The following FMN1 variants were observed in gnomAD, a reference collection of about 807,000 sequenced individuals.
FMN1 encodes the protein formin 1, also known as formin-1.
FMN1 carries 110 observed loss-of-function variants against 132.4 expected under a neutral mutation model. The observed-to-expected ratio is 0.83, with a 90% confidence interval of 0.71 to 0.97. FMN1 has a LOEUF of 0.97. FMN1 is among the 50% of genes least tolerant of loss of function. The pLI is 0.00. For missense variants in FMN1, 1,792 were observed against 1,705.3 expected, an observed-to-expected ratio of 1.05 and a Z score of -0.90; for synonymous variants, 722 against 651.7, an observed-to-expected ratio of 1.11 and a Z score of -1.64.
In FMN1 at chr15:32,831,021, T is replaced by C. The variant is rs139314799; in HGVS notation, c.3928+25994A>G. 2.7e-3 allele frequency among the ~76,000 whole-genome samples: 409 copies of C among 152,260 alleles called. 2 individuals are homozygous for C. Among genetic ancestry groups the C allele is most frequent in the African/African-American group, 9.5e-3 (395 of 41,548 alleles). ...TCTAGTCCAAGGCACCAAACCCCCATGCTGGATTCTTAACCTGTCCTGATT... is the reference window on the plus strand; with the variant it reads ...TCTAGTCCAAGGCACCAAACCCCCACGCTGGATTCTTAACCTGTCCTGATT... On this transcript the variant is annotated intron_variant, in intron 17 of 20. Transcript: ENST00000616417.
intron 6 of FMN1, among the ~76,000 whole-genome samples, chr15:33,030,998 C>A (rs1043595507): frequency 1.7e-4 from 25 of 150,360 alleles, no homozygotes; most frequent in Admixed American, 8.6e-4. Context: ...CCCCGACAGG[C>A]CCTGGTGTGC....
chr15:32,923,004 A>G (rs1315656872), intron 10 of FMN1, among the ~76,000 whole-genome samples: 1 of 152,212 alleles, frequency 6.6e-6, no homozygotes, highest in Non-Finnish European at 1.5e-5. Flanking sequence ...TGTTGTTGTA[A>G]GAAGGAATAC....
Position 32,765,967 on chromosome 15 carries a change from C to T in FMN1, c.*8343G>A, listed in dbSNP as rs60961730. The T allele has an allele frequency of 2.0e-5, 3 of 152,134 alleles. No individual in the cohort carries two copies. Among genetic ancestry groups the T allele is most frequent in the Non-Finnish European group, 4.4e-5 (3 of 67,996 alleles). 9.4% of individuals were successfully genotyped at this position (152,134 alleles called of 1,614,324 possible). ...TAAATATGCAAACAAATTAGAAATA[C>T]GTATTTTTAAAAATGCAAAGGGAAA... On this transcript the variant is annotated 3_prime_UTR_variant, in exon 21 of 21. Transcript: ENST00000616417.
chr15:32,800,584 T>A (rs975574894), intron 18 of FMN1, among the ~76,000 whole-genome samples: 3 of 152,208 alleles, frequency 2.0e-5, no homozygotes, highest in African/African-American at 7.2e-5. Context: ...GAACAGGCCA[T>A]TCATTTCCTA....
chr15:32,846,505 A>G (rs1410039282), intron 17 of FMN1, among the ~76,000 whole-genome samples: 1 of 152,248 alleles, frequency 6.6e-6, no homozygotes, highest in Non-Finnish European at 1.5e-5. Flanking sequence ...AATCAAAACC[A>G]CAATGAGATA....
Position 33,011,027 on chromosome 15 carries a change from G to A in FMN1, c.2162-2952C>T, listed in dbSNP as rs967754277. Among the ~76,000 whole-genome samples, 5 of 151,720 alleles carry A rather than the reference G, an allele frequency of 3.3e-5. No individual in the cohort carries two copies. In the East Asian group the frequency reaches 5.8e-4, roughly 18 times the overall value. On this transcript the variant is annotated intron_variant, in intron 6 of 20. Coordinates refer to ENST00000616417, the MANE Select transcript of FMN1 (RefSeq NM_001277313.2). ...TCAAAATTTGAGTTTTGTTTTGTTT[G>A]AATATAAGGAGCCCATTCTAAAATG...
chr15:33,004,601 C>T (rs560223679), intron 7 of FMN1, among the ~76,000 whole-genome samples: 26 of 152,190 alleles, frequency 1.7e-4, no homozygotes, highest in East Asian at 5.8e-4. Context: ...GACTGTAAAC[C>T]AGTTCAACCA....
At chr15:33,087,467 A>T (rs530227521) in intron 5 of FMN1, among the ~76,000 whole-genome samples, 6 of 152,028 alleles carry the variant, frequency 3.9e-5, no homozygotes, top group African/African-American at 1.4e-4. Context: ...GACCGCTTGA[A>T]CCCGGGAGGC....
At chr15:32,774,744 G>GA (rs551721626) in intron 20 of FMN1, among the ~76,000 whole-genome samples, 150 of 150,246 alleles carry the variant, frequency 1.0e-3, no homozygotes, top group African/African-American at 3.3e-3. Context: ...AAGAAGATAT[G>GA]AAAAAAAAAA....
At chr15:33,070,616 T>C (rs964304005) in intron 5 of FMN1, among the ~76,000 whole-genome samples, 4 of 152,046 alleles carry the variant, frequency 2.6e-5, no homozygotes, top group African/African-American at 9.7e-5. Context: ...GTGGGTCAAG[T>C]CTTTGGTCCC....
At chr15:33,151,306 G>A (rs1964429046) in intron 4 of FMN1, 1 of 1,536,344 alleles carries the variant, frequency 6.5e-7, no homozygotes, top group Non-Finnish European at 8.7e-7. Context: ...CTTTTATAAG[G>A]TTAGAAGCAC....
chr15:32,812,592 A>G (rs990801193), intron 17 of FMN1, among the ~76,000 whole-genome samples: 1 of 152,246 alleles, frequency 6.6e-6, no homozygotes, highest in Non-Finnish European at 1.5e-5. Flanking sequence ...ACCGTCACAT[A>G]AAGTCAAGTG....
At chr15:33,147,966 A>T (rs1294841771) in intron 4 of FMN1, among the ~76,000 whole-genome samples, 2 of 152,162 alleles carry the variant, frequency 1.3e-5, no homozygotes, top group Non-Finnish European at 2.9e-5. Context: ...GAATCCATGG[A>T]CTAAAAATCA....
intron 7 of FMN1, among the ~76,000 whole-genome samples, chr15:33,005,696 T>C (rs1057405671): frequency 1.3e-5 from 2 of 152,216 alleles, no homozygotes; most frequent in Non-Finnish European, 2.9e-5. Flanking sequence ...TGTGGAAAGC[T>C]AGGGTTAACT....
chr15:33,130,009 G>A (rs924296536), intron 4 of FMN1, among the ~76,000 whole-genome samples: 2 of 151,988 alleles, frequency 1.3e-5, no homozygotes, highest in Non-Finnish European at 2.9e-5. Context: ...TGGCCAGGAT[G>A]GTCTCATCCA....
intron 17 of FMN1, among the ~76,000 whole-genome samples, chr15:32,816,411 G>A (rs1270624775): frequency 1.3e-5 from 2 of 152,130 alleles, no homozygotes; most frequent in African/African-American, 4.8e-5. Context: ...GAGTCAGAAG[G>A]TAACATACCA....
At chr15:32,875,597 C>T (rs1184380551) in intron 16 of FMN1, among the ~76,000 whole-genome samples, 3 of 152,050 alleles carry the variant, frequency 2.0e-5, no homozygotes, top group African/African-American at 4.8e-5. Context: ...CTAGGAGCCA[C>T]GCTGAGGTTG....
At position 32,911,910 on chromosome 15, in the gene FMN1, T is replaced by C. The variant is rs527735798; in HGVS notation, c.3227-1375A>G. ...CCTCTCAAGACTGTTATTTTGTGTG[T>C]GGAGATCACATAAATCCACTAATTT... On this transcript the variant is annotated intron_variant, in intron 10 of 20. Transcript: ENST00000616417. Among the ~76,000 whole-genome samples the C allele has an allele frequency of 7.2e-5, 11 of 152,298 alleles. No individual in the cohort carries two copies. The South Asian group carries it at 1.9e-3, about 26-fold the overall frequency.
At chr15:32,898,963 G>A (rs1027319904) in intron 14 of FMN1, 70 bp from the exon 15 acceptor site, 36 of 1,057,552 alleles carry the variant, frequency 3.4e-5, no homozygotes, top group Non-Finnish European at 5.1e-5. Flanking sequence ...GTTGAGAGGT[G>A]AAATCTCAGT....
Sources: allele counts gnomAD v4.1 joint callset (sites outside exome capture counted in the v4.1 genomes callset), GRCh38; gene constraint gnomAD v4.1.1; transcripts MANE v1.5; gene names NCBI Gene and HGNC (gene_info 2026-07-23, HGNC 2026-07-21).